Variants in HEBP2 observed in about 807,000 individuals in gnomAD.
HEBP2 encodes the protein heme-binding protein 2.
Under a neutral mutation model 23.1 loss-of-function variants are expected in HEBP2, and 27 were observed. The observed-to-expected ratio is 1.17, with a 90% CI of 0.86 to 1.61. HEBP2 has a LOEUF of 1.61. Among genes scored for constraint, HEBP2 ranks in the 40% most tolerant of loss-of-function variants. HEBP2 has a pLI of 0.00. For synonymous variants in HEBP2, 99 were observed against 95.1 expected, an observed-to-expected ratio of 1.04 and a Z score of -0.24; for missense variants, 245 against 253.8, an observed-to-expected ratio of 0.97 and a Z score of 0.24.
chr6:138,412,366 G>C, intron 3 of HEBP2: 1 of 229,118 alleles, frequency 4.4e-6, no homozygotes, highest in Non-Finnish European at 8.7e-6. Flanking sequence ...GCATCCTCCT[G>C]GGTTTCCTCA....
rs1562242170 is a variant in HEBP2, at chr6:138,415,515, G to T, written c.*2437G>T. ...GAGACAAGGACAGTGGGCTTCCATG[G>T]TTATTGCTGAGTTGGATTGACGTCC... On this transcript the variant is annotated 3_prime_UTR_variant, in exon 4 of 4. Coordinates refer to ENST00000607197, the MANE Select transcript of HEBP2 (RefSeq NM_014320.3). 6.6e-6 allele frequency: 1 copy of T among 152,330 alleles called. No homozygotes were observed. The highest frequency in any genetic ancestry group is 2.4e-5 in the African/African-American group (1 of 41,556). 9.4% of individuals were successfully genotyped at this position (152,330 alleles called of 1,614,324 possible). A position where few individuals can be genotyped will look rare whatever the true frequency, so the allele number is the denominator to read the frequency against.
Position 138,413,065 on chromosome 6 carries a change from A to G in HEBP2, c.605A>G (p.Lys202Arg), listed in dbSNP as rs367624773. 6.2e-7 allele frequency: 1 copy of G among 1,612,504 alleles called. No individual in the cohort carries two copies. The highest frequency in any genetic ancestry group is 8.5e-7 in the Non-Finnish European group (1 of 1,179,420). Reference protein sequence around the residue: ...VWLIQKNEPTKENE With the variant: ...VWLIQKNEPTRENE ...TTGATTCAAAAAAATGAACCCACCA[A>G]AGAAAACGAATGAGAAAAATGAAAG... is the stretch of plus-strand genomic sequence containing the variant. Residue 202 changes from lysine to arginine, a missense_variant, in exon 4 of 4, where the codon AAA becomes AGA. By Grantham distance (26) the Lys-to-Arg change is conservative. Coordinates refer to ENST00000607197, the MANE Select transcript of HEBP2 (RefSeq NM_014320.3).
rs1774640352 is a variant in HEBP2, at chr6:138,406,092, C to T, written c.360C>T (p.Pro120=). The T allele has an allele frequency of 1.9e-6, 3 of 1,614,146 alleles. No homozygotes were observed. Among genetic ancestry groups the T allele is most frequent in the African/African-American group, 1.3e-5 (1 of 75,044 alleles). ...YIPSEQQFDP[P]RPLESDVFIE... ...CCTCTGAACAGCAATTTGATCCACC[C>T]AGGCCTTTAGAGTCAGATGTCTTCA... Residue 120 remains proline (P), a synonymous_variant, in exon 3 of 4, where the codon CCC becomes CCT. Transcript: ENST00000607197.
rs763424871 is a variant in HEBP2 at position 138,405,110 on chromosome 6, A to G, written c.103-35A>G. On this transcript the variant is annotated intron_variant, in intron 1 of 3. Transcript: ENST00000607197. The stretch of plus-strand genomic sequence containing the variant: ...TTGCATCTCACTCCTACCCTCTTAG[A>G]ATTGCTTCTCGAAGTTTTCTCTGTT... The G allele has an allele frequency of 3.1e-6, 5 of 1,604,388 alleles. No individual in the cohort carries two copies. The South Asian group carries it at 5.6e-5, about 18-fold the overall frequency.
chr6:138,420,596 A>G lies in HEBP2; in HGVS notation c.*7518A>G, dbSNP rs1305072344. 1 of 152,200 alleles carries G rather than the reference A, an allele frequency of 6.6e-6. No individual in the cohort carries two copies. The highest frequency in any genetic ancestry group is 1.5e-5 in the Non-Finnish European group (1 of 68,052). 9.4% of individuals were successfully genotyped at this position (152,200 alleles called of 1,614,324 possible). A position where few individuals can be genotyped will look rare whatever the true frequency, so the allele number is the denominator to read the frequency against. ...TCAAGACAGGAGGGGTTGGTGGCCA[A>G]TGATTTCACTAAATTATGGAAATTG... On this transcript the variant is annotated 3_prime_UTR_variant, in exon 4 of 4. Coordinates refer to ENST00000607197, the MANE Select transcript of HEBP2 (RefSeq NM_014320.3).
At chr6:138,411,610 A>G (rs1317608719) in intron 3 of HEBP2, among the ~76,000 whole-genome samples, 1 of 152,162 alleles carries the variant, frequency 6.6e-6, no homozygotes, top group African/African-American at 2.4e-5. Flanking sequence ...CTTACCCCAG[A>G]TTTAATCAGG....
At position 138,418,490 on chromosome 6, in the gene HEBP2, C is replaced by G. The variant is rs968562367; in HGVS notation, c.*5412C>G. 5.9e-5 allele frequency: 9 copies of G among 152,266 alleles called. No individual in the cohort carries two copies. The highest frequency in any genetic ancestry group is 2.2e-4 in the African/African-American group (9 of 41,442). 9.4% of individuals were successfully genotyped at this position (152,266 alleles called of 1,614,324 possible). On this transcript the variant is annotated 3_prime_UTR_variant, in exon 4 of 4. Transcript: ENST00000607197. ...CCAGAACTGCTCATCTTAACTAGGT[C>G]CTGTGGGAAGCACTAAGTCATAAGC...
chr6:138,419,320 C>T lies in HEBP2; in HGVS notation c.*6242C>T, dbSNP rs1774883309. 6.6e-6 allele frequency: 1 copy of T among 152,246 alleles called. No homozygotes were observed. The highest frequency in any genetic ancestry group is 1.5e-5 in the Non-Finnish European group (1 of 68,052). 9.4% of individuals were successfully genotyped at this position (152,246 alleles called of 1,614,324 possible). On this transcript the variant is annotated 3_prime_UTR_variant, in exon 4 of 4. Transcript: ENST00000607197. ...AACTGGTCGCTTGATAGCAAATTCA[C>T]TATGGTAGGCTCATTCTTTCCTAGA... is the stretch of plus-strand genomic sequence containing the variant.
chr6:138,412,754 G>A (rs757639918), intron 3 of HEBP2, 126 bp from the exon 4 acceptor site: 74 of 790,410 alleles, frequency 9.4e-5, no homozygotes, highest in African/African-American at 2.1e-4. Context: ...TCGCCTGGCC[G>A]AGAGGGAGTA....
At position 138,421,555 on chromosome 6, in the gene HEBP2, C is replaced by G. The variant is rs1245904899; in HGVS notation, c.*8477C>G. 1 of 152,126 alleles carries G rather than the reference C, an allele frequency of 6.6e-6. No homozygotes were observed. The highest frequency in any genetic ancestry group is 1.9e-4 in the East Asian group (1 of 5,194). The allele number at this position is 152,126 out of a possible 1,614,324, so 9.4% of individuals were successfully genotyped here. On this transcript the variant is annotated 3_prime_UTR_variant, in exon 4 of 4. Transcript: ENST00000607197. The stretch of plus-strand genomic sequence containing the variant: ...TGGAAATAATTTAGGGCTGGGGCTT[C>G]TGTGATTATCTGGAACTTAAAGTAT...
chr6:138,407,592 A>G (rs1012140609), intron 3 of HEBP2, among the ~76,000 whole-genome samples: 1 of 152,176 alleles, frequency 6.6e-6, no homozygotes, highest in East Asian at 1.9e-4. Context: ...CCAGGCTCGA[A>G]TTGCACACCG....
chr6:138,410,557 C>G (rs533688293), intron 3 of HEBP2, among the ~76,000 whole-genome samples: 2 of 150,822 alleles, frequency 1.3e-5, no homozygotes, highest in Admixed American at 6.6e-5. Flanking sequence ...TCTCAGCTCA[C>G]TGCAATGTCC....
Position 138,404,346 on chromosome 6 carries a change from G to A in HEBP2, c.-150G>A, listed in dbSNP as rs1327003077. ...GGTCCAGAGGCAGACGCATCGGGTGGGCTCGGGTCTCCAGCCCGGCCGGGA... is the reference window on the plus strand; with the variant it reads ...GGTCCAGAGGCAGACGCATCGGGTGAGCTCGGGTCTCCAGCCCGGCCGGGA... On this transcript the variant is annotated 5_prime_UTR_variant, in exon 1 of 4. Coordinates refer to ENST00000607197, the MANE Select transcript of HEBP2 (RefSeq NM_014320.3). 7.1e-6 allele frequency: 3 copies of A among 421,996 alleles called. No individual in the cohort carries two copies. Among genetic ancestry groups the A allele is most frequent in the African/African-American group, 6.3e-5 (3 of 47,994 alleles). The allele number at this position is 421,996 out of a possible 1,614,324, so 26.1% of individuals were successfully genotyped here. A position where few individuals can be genotyped will look rare whatever the true frequency, so the allele number is the denominator to read the frequency against.
At chr6:138,405,357 A>G in intron 2 of HEBP2, 77 bp downstream of exon 2, 1 of 1,542,174 alleles carries the variant, frequency 6.5e-7, no homozygotes. Flanking sequence ...AGCTTATTAA[A>G]GAAATATCCT....
Position 138,414,243 on chromosome 6 carries a change from T to C in HEBP2, c.*1165T>C, listed in dbSNP as rs544122689. 1 of 152,340 alleles carries C rather than the reference T, an allele frequency of 6.6e-6. No homozygotes were observed. The highest frequency in any genetic ancestry group is 2.4e-5 in the African/African-American group (1 of 41,554). The allele number at this position is 152,340 out of a possible 1,614,324, so 9.4% of individuals were successfully genotyped here. A position where few individuals can be genotyped will look rare whatever the true frequency, so the allele number is the denominator to read the frequency against. On this transcript the variant is annotated 3_prime_UTR_variant, in exon 4 of 4. Coordinates refer to ENST00000607197, the MANE Select transcript of HEBP2 (RefSeq NM_014320.3). ...TGCTTGCTGAGCAAGAGAGCACTGC[T>C]CTTGTAGGGCACGGTCTCTCGGATA...
In HEBP2 at chr6:138,417,993, T is replaced by G. The variant is rs931033720; in HGVS notation, c.*4915T>G. On this transcript the variant is annotated 3_prime_UTR_variant, in exon 4 of 4. Coordinates refer to ENST00000607197, the MANE Select transcript of HEBP2 (RefSeq NM_014320.3). Reference sequence around the variant, plus strand: ...TCTTTGGACTTCCCCTAACAAAGCTTAAAGACAAGCCTTGGAAGGATCAAA... The same window carrying G: ...TCTTTGGACTTCCCCTAACAAAGCTGAAAGACAAGCCTTGGAAGGATCAAA... 1 of 152,148 alleles carries G rather than the reference T, an allele frequency of 6.6e-6. No homozygotes were observed. Among genetic ancestry groups the G allele is most frequent in the Non-Finnish European group, 1.5e-5 (1 of 68,024 alleles). The allele number at this position is 152,148 out of a possible 1,614,324, so 9.4% of individuals were successfully genotyped here.
At position 138,413,676 on chromosome 6, in the gene HEBP2, A is replaced by G. The variant is rs1774792255; in HGVS notation, c.*598A>G. On this transcript the variant is annotated 3_prime_UTR_variant, in exon 4 of 4. Transcript: ENST00000607197. The stretch of plus-strand genomic sequence containing the variant: ...CTGGTCTCCACTTAACCCCCTAAAA[A>G]TCTTGCTTTTTCCCCTAAACATTTC... 6.6e-6 allele frequency: 1 copy of G among 152,364 alleles called. No individual in the cohort carries two copies. Among genetic ancestry groups the G allele is most frequent in the African/African-American group, 2.4e-5 (1 of 41,404 alleles). The allele number at this position is 152,364 out of a possible 1,614,324, so 9.4% of individuals were successfully genotyped here. A position where few individuals can be genotyped will look rare whatever the true frequency, so the allele number is the denominator to read the frequency against.
intron 3 of HEBP2, among the ~76,000 whole-genome samples, chr6:138,410,323 G>T (rs56004125): frequency 0.12 from 18,636 of 152,092 alleles, 2,004 homozygotes; most frequent in African/African-American, 0.29. Flanking sequence ...ACAACACACA[G>T]TCAGAGAACA....
chr6:138,403,637 G>A, upstream of HEBP2: 1 of 434,780 alleles, frequency 2.3e-6, no homozygotes, highest in Non-Finnish European at 4.1e-6. Flanking sequence ...GAGTCGGCCT[G>A]GCCGGCGGAA....
Sources: gnomAD v4.1 joint callset for allele counts (sites outside exome capture counted in the v4.1 genomes callset) on GRCh38, gnomAD v4.1.1 for gene constraint, MANE v1.5 for transcripts, NCBI Gene and HGNC (gene_info 2026-07-23, HGNC 2026-07-21) for gene names.